Variants in CBLN2 observed in about 807,000 individuals in gnomAD.
CBLN2 encodes cerebellin-2.
Under a neutral mutation model 15.0 loss-of-function variants are expected in CBLN2, and 7 were observed. That is an observed-to-expected ratio of 0.47 (90% CI 0.27 to 0.88). The LOEUF is 0.88. CBLN2 is among the 40% of genes least tolerant of loss of function. The pLI is 0.14. For missense variants in CBLN2, 242 were observed against 304.5 expected (o/e 0.79, Z 1.53); for synonymous variants, 149 against 135.2 (o/e 1.10, Z -0.71).
At chr18:72,593,617 C>T (rs2069494483) in intron 1 of CBLN2, among the ~76,000 whole-genome samples, 1 of 152,042 alleles carries the variant, frequency 6.6e-6, no homozygotes, top group Admixed American at 6.6e-5. Flanking sequence ...CAGTTTTTTG[C>T]CTTTGAGTAT....
At chr18:72,554,864 G>A (rs539177447) in intron 1 of CBLN2, among the ~76,000 whole-genome samples, 9 of 152,228 alleles carry the variant, frequency 5.9e-5, no homozygotes, top group Non-Finnish European at 7.4e-5. Context: ...GGCCTGGTGC[G>A]GTGGCTTATG....
upstream of CBLN2, among the ~76,000 whole-genome samples, chr18:72,548,169 C>T (rs777143517): frequency 6.6e-6 from 1 of 152,136 alleles, no homozygotes; most frequent in African/African-American, 2.4e-5. Context: ...CTCCTCAGTG[C>T]GTGCCACTAA....
At chr18:72,594,513 C>T (rs558088524) in intron 1 of CBLN2, among the ~76,000 whole-genome samples, 1 of 149,228 alleles carries the variant, frequency 6.7e-6, no homozygotes, top group African/African-American at 2.5e-5. Context: ...AAATGAATCT[C>T]GAAATATTTT....
At chr18:72,634,032 C>A (rs9946210) in intron 1 of CBLN2, among the ~76,000 whole-genome samples, 22,825 of 151,760 alleles carry the variant, frequency 0.15, 2,337 homozygotes, top group East Asian at 0.52. Context: ...ATACAAACTT[C>A]TCTTTAAGTT....
intron 1 of CBLN2, among the ~76,000 whole-genome samples, chr18:72,602,960 G>C (rs1289584612): frequency 6.6e-6 from 1 of 152,180 alleles, no homozygotes. Flanking sequence ...CTTCCATGGT[G>C]TGCTGGAGGC....
At chr18:72,583,809 A>C (rs1442668362) in intron 1 of CBLN2, among the ~76,000 whole-genome samples, 1 of 152,220 alleles carries the variant, frequency 6.6e-6, no homozygotes, top group Admixed American at 6.5e-5. Flanking sequence ...TGGCCTGGCC[A>C]TCCCACTCCT....
At chr18:72,541,725 G>C (rs1018378580) in intron 3 of CBLN2, 79 bp downstream of exon 3, 74 of 1,183,654 alleles carry the variant, frequency 6.3e-5, no homozygotes, top group Non-Finnish European at 6.8e-5. Context: ...CGTCCAAGAA[G>C]CCTGAACCCC....
intron 1 of CBLN2, among the ~76,000 whole-genome samples, chr18:72,604,831 A>G (rs1007088724): frequency 2.0e-5 from 3 of 152,264 alleles, no homozygotes; most frequent in Non-Finnish European, 4.4e-5. Flanking sequence ...CTCCATAACT[A>G]TAAGAAATAA....
At chr18:72,607,678 C>CCTCTCTCTCTCTCTCTCT (rs137899122) in intron 1 of CBLN2, among the ~76,000 whole-genome samples, 8 of 149,590 alleles carry the variant, frequency 5.3e-5, no homozygotes, top group African/African-American at 1.7e-4. Context: ...TATGTAGATA[C>CCTCTCTCTCTCTCTCTCT]CTCTCTCTCT....
chr18:72,556,007 C>A (rs980963752), intron 1 of CBLN2, among the ~76,000 whole-genome samples: 1 of 152,086 alleles, frequency 6.6e-6, no homozygotes, highest in African/African-American at 2.4e-5. Context: ...CCTACCACAC[C>A]CACTGGCAAT....
At chr18:72,549,820 T>C (rs942787634) in intron 1 of CBLN2, among the ~76,000 whole-genome samples, 1 of 152,220 alleles carries the variant, frequency 6.6e-6, no homozygotes, top group African/African-American at 2.4e-5. Flanking sequence ...CAGGGGTTAC[T>C]CTGTAATTGT....
At chr18:72,602,848 A>G (rs1462733671) in intron 1 of CBLN2, among the ~76,000 whole-genome samples, 1 of 152,172 alleles carries the variant, frequency 6.6e-6, no homozygotes, top group Non-Finnish European at 1.5e-5. Flanking sequence ...CCAGCTTCCT[A>G]ATCAAGGAAC....
At chr18:72,614,050 T>C (rs1212767806) in intron 1 of CBLN2, among the ~76,000 whole-genome samples, 1 of 152,218 alleles carries the variant, frequency 6.6e-6, no homozygotes, top group Non-Finnish European at 1.5e-5. Context: ...TCATGTTTTC[T>C]CTGTTACATA....
chr18:72,580,938 A>G (rs1345534870), intron 1 of CBLN2, among the ~76,000 whole-genome samples: 1 of 152,144 alleles, frequency 6.6e-6, no homozygotes, highest in Non-Finnish European at 1.5e-5. Context: ...TCCTGCCCTC[A>G]GCCTCCTTAG....
At chr18:72,618,093 T>C (rs563835219) in intron 1 of CBLN2, among the ~76,000 whole-genome samples, 1 of 152,330 alleles carries the variant, frequency 6.6e-6, no homozygotes, top group African/African-American at 2.4e-5. Flanking sequence ...TCTAGTGCTG[T>C]AAAACTAGAT....
chr18:72,591,185 T>A (rs947811398), intron 1 of CBLN2, among the ~76,000 whole-genome samples: 3 of 152,190 alleles, frequency 2.0e-5, no homozygotes, highest in African/African-American at 7.2e-5. Flanking sequence ...CAGCTAGTCA[T>A]AAGTTTTAAA....
intron 1 of CBLN2, among the ~76,000 whole-genome samples, chr18:72,559,191 C>A (rs1414589456): frequency 1.3e-5 from 2 of 152,254 alleles, no homozygotes; most frequent in African/African-American, 4.8e-5. Context: ...TGCTCCGGGT[C>A]TCAGGCAGCA....
At chr18:72,555,620 A>G (rs1007120785) in intron 1 of CBLN2, among the ~76,000 whole-genome samples, 2 of 152,190 alleles carry the variant, frequency 1.3e-5, no homozygotes, top group Non-Finnish European at 2.9e-5. Flanking sequence ...TTAATTTATC[A>G]TAAGCATTTT....
chr18:72,570,933 C>A lies in CBLN2; in HGVS notation c.16-32161G>T, dbSNP rs187296193. Among the ~76,000 whole-genome samples, 351 of 152,122 alleles carry A rather than the reference C, an allele frequency of 2.3e-3. 1 individual carries two copies. Among genetic ancestry groups the A allele is most frequent in the African/African-American group, 8.1e-3 (337 of 41,520 alleles). ...AAATTTTAGTGATTAGGCAAATTCA[C>A]AAATATATAATTTATGAATAATGAG... is the stretch of plus-strand genomic sequence containing the variant. On this transcript the variant is annotated intron_variant, in intron 1 of 2. Coordinates refer to the CBLN2 transcript ENST00000581073.
Sources: gnomAD v4.1 joint callset for allele counts (sites outside exome capture counted in the v4.1 genomes callset) on GRCh38, gnomAD v4.1.1 for gene constraint, MANE v1.5 for transcripts, NCBI Gene and HGNC (gene_info 2026-07-23, HGNC 2026-07-21) for gene names.